The following OTULIN variants were observed in gnomAD, a reference collection of about 807,000 sequenced individuals.
OTULIN encodes the protein ubiquitin thioesterase otulin.
OTULIN carries 15 observed loss-of-function variants against 39.6 expected under a neutral mutation model. The ratio of observed to expected loss-of-function variants is 0.38; its 90% confidence interval spans 0.25 to 0.58. OTULIN has a LOEUF of 0.58. OTULIN is among the 20% of genes least tolerant of loss of function. The pLI is 0.66. For missense variants in OTULIN, 319 were observed against 445.9 expected, an observed-to-expected ratio of 0.72 and a Z score of 2.56; for synonymous variants, 156 against 170.3, an observed-to-expected ratio of 0.92 and a Z score of 0.65.
chr5:14,712,414 C>T, the OTULIN span, among the ~76,000 whole-genome samples: 164 of 152,348 alleles, frequency 1.1e-3, no homozygotes, highest in African/African-American at 3.7e-3. Context: ...AGGGCCCTTG[C>T]GCAAGCTCTC....
downstream of OTULIN, among the ~76,000 whole-genome samples, chr5:14,703,224 T>C (rs1736834642): frequency 1.3e-5 from 2 of 151,880 alleles, no homozygotes; most frequent in African/African-American, 4.8e-5. Context: ...TTTACTGTTT[T>C]ATATTGTCCA....
downstream of OTULIN, among the ~76,000 whole-genome samples, chr5:14,700,569 A>G (rs1054441353): frequency 7.5e-5 from 3 of 40,218 alleles, no homozygotes; most frequent in African/African-American, 1.0e-4. Flanking sequence ...ACCCTCCCCA[A>G]CCCTCCCCAT....
At chr5:14,670,881 CTG>C (rs1735963238) in intron 1 of OTULIN, among the ~76,000 whole-genome samples, 1 of 151,738 alleles carries the variant, frequency 6.6e-6, no homozygotes, top group African/African-American at 2.4e-5. Context: ...TTAGTAAAGG[CTG>C]TGTTACATTT....
chr5:14,688,776 C>T (rs1029959562), intron 5 of OTULIN, among the ~76,000 whole-genome samples: 11 of 152,128 alleles, frequency 7.2e-5, no homozygotes, highest in Non-Finnish European at 7.4e-5. Flanking sequence ...GGAAGGCTGA[C>T]GGCAGGGCTG....
At position 14,695,766 on chromosome 5, in the gene OTULIN, A is replaced by C. The variant is rs1736650542; in HGVS notation, c.*2718A>C. 6.6e-6 allele frequency: 1 copy of C among 152,262 alleles called. No individual in the cohort carries two copies. The allele number at this position is 152,262 out of a possible 1,614,324, so 9.4% of individuals were successfully genotyped here. On this transcript the variant is annotated 3_prime_UTR_variant, in exon 7 of 7. Transcript: ENST00000284274. Reference sequence around the variant, plus strand: ...TAGTCACATTAGAGAACAAGAAACCAGTAATACATGGTCTCTAACTGATGA... The same window carrying C: ...TAGTCACATTAGAGAACAAGAAACCCGTAATACATGGTCTCTAACTGATGA...
At position 14,697,916 on chromosome 5, in the gene OTULIN, A is replaced by T. The variant is rs951536120; in HGVS notation, c.*4868A>T. ...ATTCTGAACTTCAAAGTAATATTTT[A>T]TACTTAATTTTAGGAGTTTTCATTT... On this transcript the variant is annotated 3_prime_UTR_variant, in exon 7 of 7. Transcript: ENST00000284274. 3 of 152,228 alleles carry T rather than the reference A, an allele frequency of 2.0e-5. No homozygotes were observed. The highest frequency in any genetic ancestry group is 7.2e-5 in the African/African-American group (3 of 41,466). 9.4% of individuals were successfully genotyped at this position (152,228 alleles called of 1,614,324 possible).
chr5:14,706,515 C>G, the OTULIN span: 1 of 152,088 alleles, frequency 6.6e-6, no homozygotes, highest in African/African-American at 2.4e-5. Flanking sequence ...AACTTAAGGT[C>G]TTATCATCTC....
At chr5:14,669,086 G>A (rs185175192) in intron 1 of OTULIN, among the ~76,000 whole-genome samples, 3 of 152,232 alleles carry the variant, frequency 2.0e-5, no homozygotes, top group Admixed American at 1.3e-4. Context: ...TAAATAGGCC[G>A]GGCGCGGTGG....
Position 14,695,809 on chromosome 5 carries a change from T to C in OTULIN, c.*2761T>C, listed in dbSNP as rs1215676577. On this transcript the variant is annotated 3_prime_UTR_variant, in exon 7 of 7. Transcript: ENST00000284274. ...ACTGATGATTCGGGCCTGGATTTGA[T>C]TGAAAGTGTTTGCAGTTCCTCTTCC... The C allele has an allele frequency of 1.3e-5, 2 of 152,226 alleles. No homozygotes were observed. Among genetic ancestry groups the C allele is most frequent in the Non-Finnish European group, 2.9e-5 (2 of 68,030 alleles). The allele number at this position is 152,226 out of a possible 1,614,324, so 9.4% of individuals were successfully genotyped here.
chr5:14,715,749 G>A, the OTULIN span, among the ~76,000 whole-genome samples: 1 of 152,226 alleles, frequency 6.6e-6, no homozygotes, highest in African/African-American at 2.4e-5. Context: ...GGAAATGGTT[G>A]TATACTAATC....
downstream of OTULIN, among the ~76,000 whole-genome samples, chr5:14,701,352 C>A (rs1302081626): frequency 6.6e-6 from 1 of 152,192 alleles, no homozygotes; most frequent in Non-Finnish European, 1.5e-5. Context: ...TAAGATGACC[C>A]CAGGCAAGCT....
Position 14,693,235 on chromosome 5 carries a change from C to G in OTULIN, c.*187C>G, listed in dbSNP as rs926159606. ...AAGAGAAATTAACCAAGTCTTTCCC[C>G]TCATCTATGATGCAATATATTTCAG... On this transcript the variant is annotated 3_prime_UTR_variant, in exon 7 of 7. Coordinates refer to ENST00000284274, the MANE Select transcript of OTULIN (RefSeq NM_138348.6). 1.7e-6 allele frequency: 1 copy of G among 571,986 alleles called. No homozygotes were observed. The highest frequency in any genetic ancestry group is 1.9e-5 in the African/African-American group (1 of 53,516). The allele number at this position is 571,986 out of a possible 1,614,324, so 35.4% of individuals were successfully genotyped here.
chr5:14,704,157 C>T (rs186493117), downstream of OTULIN, among the ~76,000 whole-genome samples: 1 of 151,726 alleles, frequency 6.6e-6, no homozygotes, highest in Admixed American at 6.6e-5. Context: ...TGGTGAAACC[C>T]CGTCTCTACT....
In OTULIN at chr5:14,696,140, C is replaced by T. The variant is rs895025070; in HGVS notation, c.*3092C>T. The T allele has an allele frequency of 1.3e-5, 2 of 152,150 alleles. No individual in the cohort carries two copies. The highest frequency in any genetic ancestry group is 4.8e-5 in the African/African-American group (2 of 41,420). The allele number at this position is 152,150 out of a possible 1,614,324, so 9.4% of individuals were successfully genotyped here. ...TTGTTATTCATCCTGTGTCCTCCCT[C>T]TTCCCGATGTGCTGTTTTACCTAGG... On this transcript the variant is annotated 3_prime_UTR_variant, in exon 7 of 7. Coordinates refer to ENST00000284274, the MANE Select transcript of OTULIN (RefSeq NM_138348.6).
downstream of OTULIN, among the ~76,000 whole-genome samples, chr5:14,702,982 C>T (rs1315013488): frequency 6.6e-6 from 1 of 152,112 alleles, no homozygotes; most frequent in East Asian, 1.9e-4. Flanking sequence ...GACACGGCAC[C>T]TCCGCCTTTG....
chr5:14,690,203 A>G lies in OTULIN; in HGVS notation c.759A>G (p.Val253=). 6.2e-7 allele frequency: 1 copy of G among 1,614,220 alleles called. No individual in the cohort carries two copies. The highest frequency in any genetic ancestry group is 8.5e-7 in the Non-Finnish European group (1 of 1,180,038). The change falls in exon 6 of 7, where the codon GTA becomes GTG. Residue 253 remains valine, a synonymous_variant. Coordinates refer to ENST00000284274, the MANE Select transcript of OTULIN (RefSeq NM_138348.6). This position sits in a 1 kb window ranked among gnomAD's most constrained non-coding sequence, Gnocchi z 4.5. ...ATGATAAAGAGAAAGGAAAGGAAGT[A>G]CCATTTTTCTCTGTGCTTCTGTTTG... The part of the protein sequence containing the change: ...LYNDKEKGKE[V]PFFSVLLFAR...
chr5:14,693,155 C>A lies in OTULIN; in HGVS notation c.*107C>A. 1 of 1,117,522 alleles carries A rather than the reference C, an allele frequency of 8.9e-7. No homozygotes were observed. 69.2% of individuals were successfully genotyped at this position (1,117,522 alleles called of 1,614,324 possible). A position where few individuals can be genotyped will look rare whatever the true frequency, so the allele number is the denominator to read the frequency against. ...TCTAAGAACAATCTCTGAGAAGAAC[C>A]CTTGGGCCCCTGGGAGCCAAGTTGG... On this transcript the variant is annotated 3_prime_UTR_variant, in exon 7 of 7. Transcript: ENST00000284274.
At position 14,664,913 on chromosome 5, in the gene OTULIN, C is replaced by T. The variant is rs958544405; in HGVS notation, c.88C>T (p.Arg30Trp). ...TPAREAAATARDGGKAAASGQ... is the reference protein window; with the variant it reads ...TPAREAAATAWDGGKAAASGQ... The stretch of plus-strand genomic sequence containing the variant: ...GGCGCGGGAGGCGGCGGCCACGGCG[C>T]GGGACGGCGGGAAGGCGGCGGCCAG... The change falls in exon 1 of 7, where the codon CGG becomes TGG. Residue 30 changes from arginine to tryptophan, a missense_variant. Coordinates refer to ENST00000284274, the MANE Select transcript of OTULIN (RefSeq NM_138348.6). The T allele has an allele frequency of 1.1e-5, 13 of 1,177,244 alleles. No individual in the cohort carries two copies. The highest frequency in any genetic ancestry group is 1.4e-5 in the Non-Finnish European group (13 of 954,294). The allele number at this position is 1,177,244 out of a possible 1,614,324, so 72.9% of individuals were successfully genotyped here.
chr5:14,667,938 A>C (rs1385890128), intron 1 of OTULIN, among the ~76,000 whole-genome samples: 1 of 152,102 alleles, frequency 6.6e-6, no homozygotes, highest in Non-Finnish European at 1.5e-5. Context: ...ACTCCTGCTG[A>C]TCTGGTCCTG....
Sources: gnomAD v4.1 joint callset for allele counts (sites outside exome capture counted in the v4.1 genomes callset) on GRCh38, gnomAD v4.1.1 for gene constraint, Gnocchi (gnomAD v3.1) non-coding constraint, MANE v1.5 for transcripts, NCBI Gene and HGNC (gene_info 2026-07-23, HGNC 2026-07-21) for gene names.